CLMN: variants seen among roughly 807,000 people sequenced by gnomAD.
CLMN encodes the protein calmin (calponin-like, transmembrane).
A neutral mutation model predicts 92.7 loss-of-function variants in CLMN; 57 were observed. The observed-to-expected ratio is 0.61, with a 90% CI of 0.50 to 0.77. The LOEUF (loss-of-function observed/expected upper bound fraction) is 0.77, where lower values mean the gene tolerates loss of function less well. Among genes scored for constraint, CLMN ranks in the 30% least tolerant of loss-of-function variants. CLMN has a pLI of 0.00. For missense variants in CLMN, 1,158 were observed against 1,237.5 expected (o/e 0.94, Z 0.96); for synonymous variants, 466 against 470.6 (o/e 0.99, Z 0.13).
chr14:95,191,604 C>T lies in CLMN; in HGVS notation c.2969G>A (p.Cys990Tyr), dbSNP rs773179766. The T allele has an allele frequency of 2.5e-6, 4 of 1,613,492 alleles. No homozygotes were observed. The South Asian group carries it at 3.3e-5, about 13-fold the overall frequency. Residue 990 changes from cysteine (C) to tyrosine (Y), a missense_variant, in exon 13 of 13, where the codon TGC becomes TAC. Physicochemically the swap from Cys to Tyr is radical, Grantham distance 194 (BLOSUM62 -2). Transcript: ENST00000298912. This position sits in a 1 kb window ranked among gnomAD's most constrained non-coding sequence, Gnocchi z 5.3. ...FILFLWLLVYCLLLFPQLDVS... is the reference protein window; with the variant it reads ...FILFLWLLVYYLLLFPQLDVS... ...ATCCAGTTGTGGGAAGAGCAGCAAGCAGTACACCAGGAGCCACAGGAAGAG... is the reference window on the plus strand; with the variant it reads ...ATCCAGTTGTGGGAAGAGCAGCAAGTAGTACACCAGGAGCCACAGGAAGAG...
intron 4 of CLMN, 92 bp from the exon 5 acceptor site, chr14:95,215,825 G>C (rs113415461): frequency 1.8e-3 from 236 of 132,806 alleles, no homozygotes; most frequent in Middle Eastern, 5.9e-3. Flanking sequence ...CTGTGTGTGT[G>C]TGTGTGTGTG....
In CLMN at chr14:95,294,652, T is replaced by A. The variant is rs1900733605; in HGVS notation, c.82+25059A>T. On this transcript the variant is annotated intron_variant, in intron 1 of 12. Coordinates refer to ENST00000298912, the MANE Select transcript of CLMN (RefSeq NM_024734.4). This position sits in a 1 kb window ranked among gnomAD's most constrained non-coding sequence, Gnocchi z 4.2. ...TGAGGATTAGGATAAATCCCTGTGC[T>A]AGTCTCCTTTGCACACCCCTCCTCC... Among the ~76,000 whole-genome samples, 1 of 152,318 alleles carries A rather than the reference T, an allele frequency of 6.6e-6. No homozygotes were observed. Among genetic ancestry groups the A allele is most frequent in the East Asian group, 1.9e-4 (1 of 5,178 alleles).
intron 1 of CLMN, among the ~76,000 whole-genome samples, chr14:95,296,635 T>A (rs1900819187): frequency 6.6e-6 from 1 of 152,230 alleles, no homozygotes; most frequent in South Asian, 2.1e-4. Flanking sequence ...TTGATCCTTC[T>A]TCATCATCCT....
rs994931307 is a variant in CLMN at position 95,189,656 on chromosome 14, G to A, written c.*1908C>T. 5.3e-5 allele frequency: 8 copies of A among 152,204 alleles called. No individual in the cohort carries two copies. Among genetic ancestry groups the A allele is most frequent in the Non-Finnish European group, 1.2e-4 (8 of 68,050 alleles). 9.4% of individuals were successfully genotyped at this position (152,204 alleles called of 1,614,324 possible). A position where few individuals can be genotyped will look rare whatever the true frequency, so the allele number is the denominator to read the frequency against. On this transcript the variant is annotated 3_prime_UTR_variant, in exon 13 of 13. Coordinates refer to ENST00000298912, the MANE Select transcript of CLMN (RefSeq NM_024734.4). Reference sequence around the variant, plus strand: ...TGGGTTGGCTCTTCCCAGGCTCTTCGAGCATCTAATTTAGGCAAGGACTGC... The same window carrying A: ...TGGGTTGGCTCTTCCCAGGCTCTTCAAGCATCTAATTTAGGCAAGGACTGC...
intron 1 of CLMN, among the ~76,000 whole-genome samples, chr14:95,271,253 G>C (rs1167002031): frequency 1.3e-5 from 2 of 152,162 alleles, no homozygotes; most frequent in African/African-American, 4.8e-5. Flanking sequence ...CAGTCTGTGG[G>C]TTATCATTTT....
At chr14:95,265,517 C>T (rs1344284450) in intron 1 of CLMN, among the ~76,000 whole-genome samples, 1 of 152,218 alleles carries the variant, frequency 6.6e-6, no homozygotes, top group African/African-American at 2.4e-5. Flanking sequence ...TAGACTCATC[C>T]TCTTGGCTGT....
Position 95,187,124 on chromosome 14 carries a change from G to C in CLMN, c.*4440C>G, listed in dbSNP as rs1896458917. The C allele has an allele frequency of 6.6e-6, 1 of 152,288 alleles. No homozygotes were observed. Among genetic ancestry groups the C allele is most frequent in the African/African-American group, 2.4e-5 (1 of 41,456 alleles). The allele number at this position is 152,288 out of a possible 1,614,324, so 9.4% of individuals were successfully genotyped here. A position where few individuals can be genotyped will look rare whatever the true frequency, so the allele number is the denominator to read the frequency against. On this transcript the variant is annotated 3_prime_UTR_variant, in exon 13 of 13. Transcript: ENST00000298912. Reference sequence around the variant, plus strand: ...ACCACAGCTCAACAGGATGGATGTTGCTGCAGTCCCAGCTGGACTCAGGGC... The same window carrying C: ...ACCACAGCTCAACAGGATGGATGTTCCTGCAGTCCCAGCTGGACTCAGGGC...
In CLMN at chr14:95,182,145, ATAT is replaced by A. The variant is rs1177916721; in HGVS notation, c.*9416_*9418del. On this transcript the variant is annotated 3_prime_UTR_variant, in exon 13 of 13. Coordinates refer to ENST00000298912, the MANE Select transcript of CLMN (RefSeq NM_024734.4). ...TCAATAAATAAGACGGCACATTCAT[ATAT>A]TGTTTATAAAGATCTTTTTTTTTAC... is the stretch of plus-strand genomic sequence containing the variant. 1.3e-5 allele frequency: 2 copies of A among 152,250 alleles called. No homozygotes were observed. The highest frequency in any genetic ancestry group is 4.8e-5 in the African/African-American group (2 of 41,468). 9.4% of individuals were successfully genotyped at this position (152,250 alleles called of 1,614,324 possible).
intron 1 of CLMN, among the ~76,000 whole-genome samples, chr14:95,268,679 C>A (rs966662420): frequency 6.6e-6 from 1 of 151,676 alleles, no homozygotes; most frequent in Non-Finnish European, 1.5e-5. Context: ...TCTGAACCAG[C>A]TGGAGGGATT....
chr14:95,282,180 T>C (rs948017528), intron 1 of CLMN, among the ~76,000 whole-genome samples: 11 of 152,338 alleles, frequency 7.2e-5, no homozygotes, highest in African/African-American at 2.6e-4. Context: ...ATGAGCAGTT[T>C]GATTTTGCAG....
intron 1 of CLMN, among the ~76,000 whole-genome samples, chr14:95,274,500 C>G (rs1474113761): frequency 6.6e-6 from 1 of 152,156 alleles, no homozygotes; most frequent in African/African-American, 2.4e-5. Flanking sequence ...CTGCCCAGCA[C>G]AGCTGCAGGT....
intron 4 of CLMN, among the ~76,000 whole-genome samples, chr14:95,216,604 G>A (rs187530616): frequency 3.3e-5 from 5 of 152,304 alleles, no homozygotes; most frequent in East Asian, 1.9e-4. Flanking sequence ...GAGCAGTCAC[G>A]GACTGTGGTG....
intron 9 of CLMN, 25 bp downstream of exon 9, chr14:95,202,813 G>C: frequency 6.6e-7 from 1 of 1,507,894 alleles, no homozygotes; most frequent in South Asian, 1.4e-5. Context: ...AGGACCCAGG[G>C]TTCCCAAATC....
chr14:95,289,899 TC>T (rs1272021249), intron 1 of CLMN, among the ~76,000 whole-genome samples: 1 of 152,062 alleles, frequency 6.6e-6, no homozygotes, highest in Non-Finnish European at 1.5e-5. Context: ...GCTTGTCACC[TC>T]CCCCACCAGG....
At chr14:95,212,049 A>G (rs1387113600) in intron 6 of CLMN, among the ~76,000 whole-genome samples, 1 of 152,192 alleles carries the variant, frequency 6.6e-6, no homozygotes, top group African/African-American at 2.4e-5. Context: ...AACAACATTT[A>G]ATGGTGGTTC....
At chr14:95,234,612 C>G (rs1897993256) in intron 1 of CLMN, among the ~76,000 whole-genome samples, 1 of 152,232 alleles carries the variant, frequency 6.6e-6, no homozygotes, top group Admixed American at 6.5e-5. Flanking sequence ...CTCTGCCTGG[C>G]TGGCCAGGAT....
intron 1 of CLMN, among the ~76,000 whole-genome samples, chr14:95,303,353 CACA>C (rs564303659): frequency 7.2e-5 from 11 of 152,354 alleles, no homozygotes; most frequent in Admixed American, 4.6e-4. Context: ...CAGCAGTAAT[CACA>C]ACAAGTGCAC....
At chr14:95,311,948 T>G (rs1004057976) in intron 1 of CLMN, among the ~76,000 whole-genome samples, 2 of 151,870 alleles carry the variant, frequency 1.3e-5, no homozygotes, top group African/African-American at 4.8e-5. Context: ...TGAGTCCCAC[T>G]CTCCTGCCCT....
At chr14:95,252,272 G>T (rs1004600349) in intron 1 of CLMN, among the ~76,000 whole-genome samples, 2 of 152,196 alleles carry the variant, frequency 1.3e-5, no homozygotes, top group Non-Finnish European at 2.9e-5. Flanking sequence ...GCTCTGAGAG[G>T]GTGGGAAAGC....
Sources: gnomAD v4.1 joint callset for allele counts (sites outside exome capture counted in the v4.1 genomes callset) on GRCh38, gnomAD v4.1.1 for gene constraint, Gnocchi (gnomAD v3.1) non-coding constraint, MANE v1.5 for transcripts, NCBI Gene and HGNC (gene_info 2026-07-23, HGNC 2026-07-21) for gene names.